GRIP1: variants seen among roughly 807,000 people sequenced by gnomAD.
The protein encoded by GRIP1 is glutamate receptor-interacting protein 1.
GRIP1 carries 45 observed loss-of-function variants against 129.9 expected under a neutral mutation model. The ratio of observed to expected loss-of-function variants is 0.35; its 90% CI spans 0.27 to 0.44. The LOEUF (loss-of-function observed/expected upper bound fraction) is 0.44. GRIP1 is among the 20% of genes least tolerant of loss of function. GRIP1 has a pLI of 1.00. For missense variants in GRIP1, 1,196 were observed against 1,396.8 expected (o/e 0.86, Z 2.29); for synonymous variants, 530 against 520.8 (o/e 1.02, Z -0.24).
chr12:66,358,362 A>C (rs1307789682), intron 23 of GRIP1, among the ~76,000 whole-genome samples: 1 of 152,148 alleles, frequency 6.6e-6, no homozygotes, highest in African/African-American at 2.4e-5. Flanking sequence ...CACCATGAAT[A>C]GTTCTTATCC....
intron 1 of GRIP1, among the ~76,000 whole-genome samples, chr12:67,026,058 CTG>C (rs1478572056): frequency 6.6e-6 from 1 of 152,130 alleles, no homozygotes; most frequent in Non-Finnish European, 1.5e-5. Context: ...GGTTAACTCC[CTG>C]TCGGGGCTGC....
At chr12:66,733,844 C>T (rs933909881) in intron 1 of GRIP1, among the ~76,000 whole-genome samples, 1 of 152,126 alleles carries the variant, frequency 6.6e-6, no homozygotes, top group African/African-American at 2.4e-5. Context: ...CACTGCATAA[C>T]ACATGACAGT....
intron 1 of GRIP1, among the ~76,000 whole-genome samples, chr12:66,724,634 C>T (rs2136464619): frequency 6.6e-6 from 1 of 152,250 alleles, no homozygotes; most frequent in African/African-American, 2.4e-5. Context: ...ATCTGATGAC[C>T]ATGCAGTATT....
intron 1 of GRIP1, among the ~76,000 whole-genome samples, chr12:66,930,055 C>CTCTCTCTCTT (rs67075541): frequency 1.6e-5 from 2 of 128,772 alleles, no homozygotes; most frequent in African/African-American, 5.8e-5. Context: ...CTCTCTCTCT[C>CTCTCTCTCTT]TTTTTTTTTT....
chr12:66,741,432 A>G (rs574829492), intron 1 of GRIP1, among the ~76,000 whole-genome samples: 6 of 152,326 alleles, frequency 3.9e-5, no homozygotes, highest in Admixed American at 1.3e-4. Context: ...GTGGGGATAA[A>G]GTAAGATCGG....
At chr12:67,033,291 AT>A (rs2043049916) in intron 1 of GRIP1, among the ~76,000 whole-genome samples, 1 of 150,560 alleles carries the variant, frequency 6.6e-6, no homozygotes, top group Admixed American at 6.6e-5. Context: ...ATATATATAT[AT>A]AAAGACAAAT....
intron 6 of GRIP1, among the ~76,000 whole-genome samples, chr12:66,516,249 C>T (rs2060841153): frequency 6.6e-6 from 1 of 152,116 alleles, no homozygotes; most frequent in Non-Finnish European, 1.5e-5. Context: ...TTTATAAGGC[C>T]ATTTGGCAAT....
chr12:66,945,488 A>C lies in GRIP1; in HGVS notation c.58+123562T>G, dbSNP rs142166665. Among the ~76,000 whole-genome samples, 631 of 152,004 alleles carry C rather than the reference A, an allele frequency of 4.2e-3. 3 individuals are homozygous for C. Among genetic ancestry groups the C allele is most frequent in the African/African-American group, 0.014 (593 of 41,460 alleles). On this transcript the variant is annotated intron_variant, in intron 1 of 1. Coordinates refer to the GRIP1 transcript ENST00000643019. The stretch of plus-strand genomic sequence containing the variant: ...GCTGCCACCTGCGCAGCTTCTGGGG[A>C]GGCCTTAGGAAGCTTACAATCACAG...
chr12:66,457,189 G>C (rs905204552), intron 9 of GRIP1, among the ~76,000 whole-genome samples: 1 of 152,052 alleles, frequency 6.6e-6, no homozygotes, highest in African/African-American at 2.4e-5. Flanking sequence ...TCTGAAATAT[G>C]AGCAATATAA....
At chr12:66,722,148 G>A (rs917735880) in intron 1 of GRIP1, among the ~76,000 whole-genome samples, 2 of 152,072 alleles carry the variant, frequency 1.3e-5, no homozygotes, top group African/African-American at 4.8e-5. Flanking sequence ...TTCACAACTT[G>A]GTTAACTATT....
At position 66,729,656 on chromosome 12, in the gene GRIP1, C is replaced by T. The variant is rs187064176; in HGVS notation, c.-420+74397G>A. 1.4e-3 allele frequency among the ~76,000 whole-genome samples: 213 copies of T among 152,224 alleles called. 2 individuals are homozygous for T. The highest frequency in any genetic ancestry group is 9.3e-4 in the Non-Finnish European group (63 of 68,012). ...TGGTGCGATCTCGGCTTACTTCAAG[C>T]TCTGCCTCCTGGGTTCATGCCATTC... is the stretch of plus-strand genomic sequence containing the variant. On this transcript the variant is annotated intron_variant, in intron 1 of 4. Coordinates refer to the GRIP1 transcript ENST00000538373.
rs181761484 is a variant in GRIP1, at chr12:66,847,294, A to C, written c.58+221756T>G. Among the ~76,000 whole-genome samples the C allele has an allele frequency of 2.6e-5, 4 of 152,296 alleles. No individual in the cohort carries two copies. In the East Asian group the frequency reaches 5.8e-4, roughly 22 times the overall value. On this transcript the variant is annotated intron_variant, in intron 1 of 1. Transcript: ENST00000643019. ...ATACAACATTTTTTAACAGGGCTACAAACCCCTGAATGATCTGGTCCCTTC... is the reference window on the plus strand; with the variant it reads ...ATACAACATTTTTTAACAGGGCTACCAACCCCTGAATGATCTGGTCCCTTC...
chr12:66,698,134 T>C (rs1330673447), intron 1 of GRIP1, among the ~76,000 whole-genome samples: 1 of 152,210 alleles, frequency 6.6e-6, no homozygotes, highest in Non-Finnish European at 1.5e-5. Context: ...CATTGCTAAA[T>C]GAGACTTGTG....
At chr12:66,597,519 G>T (rs1262132475) in intron 1 of GRIP1, among the ~76,000 whole-genome samples, 35 of 152,168 alleles carry the variant, frequency 2.3e-4, no homozygotes, top group Non-Finnish European at 1.5e-5. Context: ...AGAGGAGCTA[G>T]GTTGAGAATA....
intron 23 of GRIP1, among the ~76,000 whole-genome samples, chr12:66,356,429 A>C (rs2054491250): frequency 6.6e-6 from 1 of 152,186 alleles, no homozygotes; most frequent in African/African-American, 2.4e-5. Flanking sequence ...ATAAATACTC[A>C]TTGCAGAGAG....
intron 1 of GRIP1, among the ~76,000 whole-genome samples, chr12:66,799,513 G>A (rs2038798615): frequency 6.6e-6 from 1 of 152,146 alleles, no homozygotes; most frequent in East Asian, 1.9e-4. Context: ...GTAAGCACTA[G>A]AGAAGTAAGG....
At position 66,670,042 on chromosome 12, in the gene GRIP1, G is replaced by T. The variant is rs150643524; in HGVS notation, c.55+8808C>A. On this transcript the variant is annotated intron_variant, in intron 1 of 24. Transcript: ENST00000359742. ...TAACCAATGAAGTCTACTCTTCATT[G>T]TGGGCTAGGGCAACAGACTTTCTGC... Among the ~76,000 whole-genome samples, 77 of 152,202 alleles carry T rather than the reference G, an allele frequency of 5.1e-4. 1 individual carries two copies. The highest frequency in any genetic ancestry group is 1.7e-3 in the African/African-American group (70 of 41,534).
chr12:66,533,887 A>ACACACTCTCTCT (rs139244381), intron 4 of GRIP1, among the ~76,000 whole-genome samples: 4 of 147,938 alleles, frequency 2.7e-5, no homozygotes, highest in African/African-American at 1.0e-4. Context: ...ACATACACAC[A>ACACACTCTCTCT]CTCTCTCTCT....
chr12:66,377,310 GT>G, intron 20 of GRIP1, 25 bp from the exon 21 acceptor site: 1 of 1,430,354 alleles, frequency 7.0e-7, no homozygotes, highest in Non-Finnish European at 9.9e-7. Flanking sequence ...CACAGGCTGG[GT>G]TAGGAACTTG....
Sources: allele counts gnomAD v4.1 joint callset (sites outside exome capture counted in the v4.1 genomes callset), GRCh38; gene constraint gnomAD v4.1.1; transcripts MANE v1.5; gene names NCBI Gene and HGNC (gene_info 2026-07-23, HGNC 2026-07-21).